The following KLHL29 variants were observed in gnomAD, a reference collection of about 807,000 sequenced individuals.
KLHL29 encodes kelch-like protein 29.
KLHL29 carries 21 observed loss-of-function variants against 80.4 expected under a neutral mutation model. That is an observed-to-expected ratio of 0.26 (90% CI 0.19 to 0.38). The LOEUF (loss-of-function observed/expected upper bound fraction) is 0.38. Among genes scored for constraint, KLHL29 ranks in the 10% least tolerant of loss-of-function variants. KLHL29 has a pLI of 1.00. For synonymous variants in KLHL29, 511 were observed against 526.8 expected, an observed-to-expected ratio of 0.97 and a Z score of 0.41; for missense variants, 867 against 1,223.9, an observed-to-expected ratio of 0.71 and a Z score of 4.35.
chr2:23,622,673 G>A (rs557827274), intron 3 of KLHL29, among the ~76,000 whole-genome samples: 3 of 152,314 alleles, frequency 2.0e-5, no homozygotes, highest in Non-Finnish European at 4.4e-5. Flanking sequence ...CCAGCCTAAG[G>A]CCTGCTCCTC....
chr2:23,588,381 G>A (rs941398950), intron 3 of KLHL29, among the ~76,000 whole-genome samples: 2 of 152,310 alleles, frequency 1.3e-5, no homozygotes, highest in African/African-American at 4.8e-5. Flanking sequence ...GAGCTCCGAG[G>A]GCTGCTCCCC....
chr2:23,495,503 C>G (rs1010734202), intron 2 of KLHL29, among the ~76,000 whole-genome samples: 4 of 152,210 alleles, frequency 2.6e-5, no homozygotes, highest in African/African-American at 9.7e-5. Flanking sequence ...GTACAATACT[C>G]TTTATCTTCT....
intron 1 of KLHL29, among the ~76,000 whole-genome samples, chr2:23,441,106 T>C (rs1572515076): frequency 6.6e-6 from 1 of 152,008 alleles, no homozygotes; most frequent in Non-Finnish European, 1.5e-5. Flanking sequence ...TAGACTGGAT[T>C]AAGAAAATGT....
intron 2 of KLHL29, among the ~76,000 whole-genome samples, chr2:23,534,568 G>A (rs1486943940): frequency 6.6e-6 from 1 of 151,554 alleles, no homozygotes; most frequent in African/African-American, 2.4e-5. Context: ...GCTAACTTCT[G>A]TTCCAGCCCA....
intron 3 of KLHL29, among the ~76,000 whole-genome samples, chr2:23,611,021 T>C (rs1217006653): frequency 6.6e-6 from 1 of 152,056 alleles, no homozygotes; most frequent in Admixed American, 6.6e-5. Context: ...AACAAAAATA[T>C]CTAGTATGTT....
chr2:23,395,778 C>T (rs1666438775), intron 1 of KLHL29, among the ~76,000 whole-genome samples: 1 of 151,860 alleles, frequency 6.6e-6, no homozygotes, highest in African/African-American at 2.4e-5. Flanking sequence ...AAAGAAACTC[C>T]GATTGCATTC....
At chr2:23,488,889 G>A (rs1665008942) in intron 2 of KLHL29, among the ~76,000 whole-genome samples, 1 of 152,144 alleles carries the variant, frequency 6.6e-6, no homozygotes, top group Non-Finnish European at 1.5e-5. Context: ...AAAGAAGAAG[G>A]GACCACATCC....
intron 1 of KLHL29, among the ~76,000 whole-genome samples, chr2:23,416,939 C>G (rs1381604051): frequency 6.6e-6 from 1 of 152,214 alleles, no homozygotes; most frequent in Non-Finnish European, 1.5e-5. Context: ...TCCACAGGCA[C>G]CTCCATTTGA....
chr2:23,437,759 G>A (rs1426102146), intron 1 of KLHL29, among the ~76,000 whole-genome samples: 2 of 152,192 alleles, frequency 1.3e-5, no homozygotes, highest in East Asian at 3.9e-4. Flanking sequence ...CTCCAGCTTT[G>A]TTCTTTTGGC....
chr2:23,466,227 A>G (rs1023700402), intron 1 of KLHL29, among the ~76,000 whole-genome samples: 8 of 152,140 alleles, frequency 5.3e-5, no homozygotes, highest in African/African-American at 1.4e-4. Context: ...AGATGTGGTA[A>G]TCTTTGCCAT....
Position 23,706,469 on chromosome 2 carries a change from TTCCCCCAACAG to T in KLHL29, c.2445-10_2445del. On this transcript the variant is annotated splice_acceptor_variant and splice_polypyrimidine_tract_variant and intron_variant, in intron 13 of 13. Coordinates refer to ENST00000486442, the MANE Select transcript of KLHL29 (RefSeq NM_052920.2). LOFTEE classifies it high-confidence loss of function. The stretch of plus-strand genomic sequence containing the variant: ...TGAAATGCCTAACTCTGTCCCCGCT[TTCCCCCAACAG>T]TGCTGTGGTGCTTGATGGCAAGATT... 1 of 1,468,596 alleles carries T rather than the reference TTCCCCCAACAG, an allele frequency of 6.8e-7. No homozygotes were observed. Among genetic ancestry groups the T allele is most frequent in the Non-Finnish European group, 9.0e-7 (1 of 1,111,186 alleles). The allele number at this position is 1,468,596 out of a possible 1,614,324, so 91.0% of individuals were successfully genotyped here.
At chr2:23,407,153 A>G (rs1020367823) in intron 1 of KLHL29, among the ~76,000 whole-genome samples, 1 of 152,176 alleles carries the variant, frequency 6.6e-6, no homozygotes, top group African/African-American at 2.4e-5. Flanking sequence ...CATTTAGATA[A>G]TTCAGTAATT....
At chr2:23,585,602 A>G (rs552930379) in intron 3 of KLHL29, among the ~76,000 whole-genome samples, 1 of 152,254 alleles carries the variant, frequency 6.6e-6, no homozygotes, top group South Asian at 2.1e-4. Flanking sequence ...GCCAAATCCT[A>G]GGAAAGATCT....
chr2:23,462,114 G>A (rs988938512), intron 1 of KLHL29, among the ~76,000 whole-genome samples: 2 of 151,908 alleles, frequency 1.3e-5, no homozygotes, highest in African/African-American at 2.4e-5. Context: ...TGACTGACAG[G>A]TGGGACTCAA....
In KLHL29 at chr2:23,539,431, C is replaced by CTTTTTTTTTTTTTTTTTTTTT. The variant is rs1666768797; in HGVS notation, c.-45-22721_-45-22720insTTTTTTTTTTTTTTTTTTTTT. ...ATGCTTTGCTAGCCTTATCCTGCCT[C>CTTTTTTTTTTTTTTTTTTTTT]CTTTTTTTTTTTTTTTTTTTTTTTT... is the stretch of plus-strand genomic sequence containing the variant. On this transcript the variant is annotated intron_variant, in intron 2 of 13. Coordinates refer to ENST00000486442, the MANE Select transcript of KLHL29 (RefSeq NM_052920.2). Among the ~76,000 whole-genome samples, 23 of 107,216 alleles carry CTTTTTTTTTTTTTTTTTTTTT rather than the reference C, an allele frequency of 2.1e-4. 11 individuals are homozygous for CTTTTTTTTTTTTTTTTTTTTT. The highest frequency in any genetic ancestry group is 2.1e-4 in the Non-Finnish European group (11 of 53,526). The allele number at this position is 107,216 out of a possible 152,430, so 70.3% of individuals were successfully genotyped here.
rs1331016088 is a variant in KLHL29 at position 23,681,826 on chromosome 2, T to C, written c.941-2573T>C. On this transcript the variant is annotated intron_variant, in intron 5 of 13. Coordinates refer to ENST00000486442, the MANE Select transcript of KLHL29 (RefSeq NM_052920.2). This position sits in a 1 kb window ranked among gnomAD's most constrained non-coding sequence, Gnocchi z 4.2. ...ATCTACCTGGCTCGTGGTTTGGGCA[T>C]TAATTCGGCTGGTGACTCTTTCTGG... 6.6e-6 allele frequency among the ~76,000 whole-genome samples: 1 copy of C among 152,200 alleles called. No homozygotes were observed. Among genetic ancestry groups the C allele is most frequent in the Non-Finnish European group, 1.5e-5 (1 of 68,028 alleles).
chr2:23,413,049 A>G (rs780465632), intron 1 of KLHL29, among the ~76,000 whole-genome samples: 3 of 152,184 alleles, frequency 2.0e-5, no homozygotes, highest in Non-Finnish European at 2.9e-5. Context: ...TTTGCCTTCA[A>G]AAAAATGCCT....
intron 3 of KLHL29, among the ~76,000 whole-genome samples, chr2:23,589,147 T>G (rs2103514777): frequency 6.6e-6 from 1 of 152,366 alleles, no homozygotes. Context: ...ATCAAATGGC[T>G]GAATTGAGGC....
At chr2:23,631,072 G>T (rs1164927606) in intron 3 of KLHL29, among the ~76,000 whole-genome samples, 1 of 152,206 alleles carries the variant, frequency 6.6e-6, no homozygotes, top group African/African-American at 2.4e-5. Context: ...CCAAGCCGAG[G>T]ATCACAGGGC....
Sources: allele counts gnomAD v4.1 joint callset (sites outside exome capture counted in the v4.1 genomes callset), GRCh38; gene constraint gnomAD v4.1.1; non-coding constraint Gnocchi (gnomAD v3.1); transcripts MANE v1.5; gene names NCBI Gene and HGNC (gene_info 2026-07-23, HGNC 2026-07-21).